MAPKAPK5: variants seen among roughly 807,000 people sequenced by gnomAD.
MAPKAPK5 encodes MAP kinase-activated protein kinase 5.
A neutral mutation model predicts 65.1 loss-of-function variants in MAPKAPK5; 30 were observed. The observed-to-expected ratio is 0.46, with a 90% confidence interval of 0.34 to 0.63. The LOEUF (loss-of-function observed/expected upper bound fraction) is 0.63. Ranked by LOEUF, MAPKAPK5 falls within the 20% of genes least tolerant of loss-of-function variation. The pLI is 0.01. For synonymous variants in MAPKAPK5, 179 were observed against 204.6 expected (o/e 0.87, Z 1.07); for missense variants, 433 against 581.4 (o/e 0.74, Z 2.63).
intron 8 of MAPKAPK5, chr12:111,882,950 C>A: frequency 1.8e-6 from 1 of 563,888 alleles, no homozygotes; most frequent in Non-Finnish European, 2.2e-6. Context: ...GCAAAGCATC[C>A]TATACCTGTA....
Position 111,900,709 on chromosome 12 carries a change from A to C in MAPKAPK5, c.*7648A>C, listed in dbSNP as rs545558229. ...GATGGTCCATGTTGTCATAAGTGTA[A>C]ATTTCACCGTAAGGGATATCCTTGC... On this transcript the variant is annotated 3_prime_UTR_variant, in exon 14 of 14. Coordinates refer to ENST00000550735, the MANE Select transcript of MAPKAPK5 (RefSeq NM_003668.4). 2.2e-6 allele frequency: 1 copy of C among 456,042 alleles called. No homozygotes were observed. Among genetic ancestry groups the C allele is most frequent in the East Asian group, 6.9e-5 (1 of 14,394 alleles). The allele number at this position is 456,042 out of a possible 1,614,324, so 28.2% of individuals were successfully genotyped here.
At chr12:111,871,057 C>G (rs1200913542) in intron 6 of MAPKAPK5, 28 bp from the exon 7 acceptor site, 2 of 1,557,928 alleles carry the variant, frequency 1.3e-6, no homozygotes, top group Admixed American at 1.7e-5. Flanking sequence ...CACTCTGGAG[C>G]AGTGACTCCT....
At position 111,900,257 on chromosome 12, in the gene MAPKAPK5, T is replaced by A. The variant is rs756878138; in HGVS notation, c.*7196T>A. The A allele has an allele frequency of 2.6e-5, 12 of 455,852 alleles. No individual in the cohort carries two copies. Among genetic ancestry groups the A allele is most frequent in the South Asian group, 1.9e-4 (12 of 64,554 alleles). The allele number at this position is 455,852 out of a possible 1,614,324, so 28.2% of individuals were successfully genotyped here. Reference sequence around the variant, plus strand: ...TCGTTGGGCATCACCCTGGACAGAATATGGGCCAGGCCTTTCTCAGTGGTG... The same window carrying A: ...TCGTTGGGCATCACCCTGGACAGAAAATGGGCCAGGCCTTTCTCAGTGGTG... On this transcript the variant is annotated 3_prime_UTR_variant, in exon 14 of 14. Transcript: ENST00000550735.
At chr12:111,875,332 A>G (rs1429271156) in intron 7 of MAPKAPK5, among the ~76,000 whole-genome samples, 1 of 152,144 alleles carries the variant, frequency 6.6e-6, no homozygotes, top group African/African-American at 2.4e-5. Flanking sequence ...CCTCAGTGGC[A>G]TGGGATTCCT....
chr12:111,867,960 T>G (rs1369256843), intron 4 of MAPKAPK5, among the ~76,000 whole-genome samples: 1 of 152,190 alleles, frequency 6.6e-6, no homozygotes, highest in African/African-American at 2.4e-5. Context: ...ACTCTTCACA[T>G]CCCCTGATGA....
intron 12 of MAPKAPK5, 177 bp from the exon 13 acceptor site, chr12:111,889,863 C>G (rs1023706756): frequency 5.4e-6 from 3 of 553,304 alleles, no homozygotes. Flanking sequence ...AAAGAGTCCA[C>G]ATACCAGATG....
intron 1 of MAPKAPK5, among the ~76,000 whole-genome samples, chr12:111,847,177 T>C (rs961701965): frequency 8.6e-5 from 13 of 151,520 alleles, no homozygotes; most frequent in Admixed American, 6.6e-4. Flanking sequence ...CCCCCATCTC[T>C]ACTAAAAAAA....
In MAPKAPK5 at chr12:111,893,923, C is replaced by CCAGG. The variant is rs1018501999; in HGVS notation, c.*864_*867dup. 1 of 151,926 alleles carries CCAGG rather than the reference C, an allele frequency of 6.6e-6. No individual in the cohort carries two copies. The highest frequency in any genetic ancestry group is 1.5e-5 in the Non-Finnish European group (1 of 68,140). The allele number at this position is 151,926 out of a possible 1,614,324, so 9.4% of individuals were successfully genotyped here. On this transcript the variant is annotated 3_prime_UTR_variant, in exon 14 of 14. Transcript: ENST00000550735. ...TAGAGACAGGGTTTCACCACGTTGG[C>CCAGG]CAGGCTGGTCTTGAACTCCTGACCT...
chr12:111,853,639 A>G (rs1223063803), intron 1 of MAPKAPK5, among the ~76,000 whole-genome samples: 1 of 152,070 alleles, frequency 6.6e-6, no homozygotes, highest in Non-Finnish European at 1.5e-5. Flanking sequence ...GGTTCAGGCA[A>G]TTCTCCTATC....
rs1376324572 is a variant in MAPKAPK5, at chr12:111,868,845, G to C, written c.377G>C (p.Ser126Thr). ...CGGCACTTTACAGAGAAGCAAGCCA[G>C]CCAAGTAACAAAGCAGGCAAGTTAA... ...QHRHFTEKQA[S>T]QVTKQIALAL... The change falls in exon 5 of 14, where the codon AGC becomes ACC. Residue 126 changes from serine to threonine, a missense_variant. Physicochemically the swap from Ser to Thr is moderately conservative, Grantham distance 58. Around this residue, in one of 3 missense-constraint regions of MAPKAPK5, gnomAD observed 165 missense variants for 180.0 expected, o/e 0.92. Coordinates refer to ENST00000550735, the MANE Select transcript of MAPKAPK5 (RefSeq NM_003668.4). 6.4e-7 allele frequency: 1 copy of C among 1,560,486 alleles called. No homozygotes were observed. Among genetic ancestry groups the C allele is most frequent in the East Asian group, 2.4e-5 (1 of 41,548 alleles).
At chr12:111,855,688 A>C (rs570954680) in intron 1 of MAPKAPK5, among the ~76,000 whole-genome samples, 1 of 151,752 alleles carries the variant, frequency 6.6e-6, no homozygotes, top group East Asian at 2.0e-4. Context: ...TTAGCTGGGC[A>C]TGGTGGTGTG....
intron 6 of MAPKAPK5, 46 bp from the exon 7 acceptor site, chr12:111,871,039 T>C: frequency 6.8e-7 from 1 of 1,468,706 alleles, no homozygotes. Flanking sequence ...CCTTTAATGT[T>C]TACTGAGCAC....
At chr12:111,861,855 A>G (rs2069449764) in intron 1 of MAPKAPK5, among the ~76,000 whole-genome samples, 1 of 152,212 alleles carries the variant, frequency 6.6e-6, no homozygotes, top group Non-Finnish European at 1.5e-5. Context: ...ATATGGCTAT[A>G]TTCCAATACA....
intron 13 of MAPKAPK5, among the ~76,000 whole-genome samples, chr12:111,892,471 T>C (rs998669685): frequency 6.6e-6 from 1 of 152,204 alleles, no homozygotes; most frequent in African/African-American, 2.4e-5. Context: ...AAATCTTCGT[T>C]ATCCTGGTTA....
rs756265404 is a variant in MAPKAPK5 at position 111,888,893 on chromosome 12, C to G, written c.1109C>G (p.Pro370Arg). 20 of 1,613,736 alleles carry G rather than the reference C, an allele frequency of 1.2e-5. No individual in the cohort carries two copies. In the Admixed American group the frequency reaches 3.3e-4, roughly 27 times the overall value. Residue 370 changes from proline (P) to arginine (R), a missense_variant, in exon 12 of 14, where the codon CCA (proline) becomes CGA (arginine). Transcript: ENST00000550735. The stretch of plus-strand genomic sequence containing the variant: ...CCCTCAAACTCTTAAAGCACCAAGC[C>G]AAAGGACAGTGTCTATATCCACGAC... ...LRKRKLLGTK[P>R]KDSVYIHDHE...
chr12:111,870,476 A>G (rs2069748189), intron 6 of MAPKAPK5, 116 bp downstream of exon 6: 2 of 679,756 alleles, frequency 2.9e-6, no homozygotes, highest in African/African-American at 1.8e-5. Context: ...AAGTGCTTCA[A>G]ACAGCTTATT....
At chr12:111,882,809 C>CA in intron 8 of MAPKAPK5, 1 of 985,496 alleles carries the variant, frequency 1.0e-6, no homozygotes, top group Non-Finnish European at 1.2e-6. Flanking sequence ...TGATCTGTGT[C>CA]AAACTGCTTT....
At chr12:111,853,027 G>T (rs2069132234) in intron 1 of MAPKAPK5, among the ~76,000 whole-genome samples, 1 of 152,110 alleles carries the variant, frequency 6.6e-6, no homozygotes, top group Non-Finnish European at 1.5e-5. Context: ...ACCTGCCTTG[G>T]CCTCCCAAAG....
chr12:111,858,161 T>C (rs1262642389), intron 1 of MAPKAPK5, among the ~76,000 whole-genome samples: 1 of 152,172 alleles, frequency 6.6e-6, no homozygotes, highest in African/African-American at 2.4e-5. Context: ...CCCTGCAGCC[T>C]CCCAAAGTGC....
Sources: allele counts gnomAD v4.1 joint callset (sites outside exome capture counted in the v4.1 genomes callset), GRCh38; gene constraint gnomAD v4.1.1; regional missense constraint gnomAD v4.1.1; transcripts MANE v1.5; gene names NCBI Gene and HGNC (gene_info 2026-07-23, HGNC 2026-07-21).